The following TSR1 variants were observed in gnomAD, a reference collection of about 807,000 sequenced individuals.
TSR1 encodes TSR1 ribosome maturation factor.
A neutral mutation model predicts 90.9 loss-of-function variants in TSR1; 81 were observed. The observed-to-expected ratio is 0.89, with a 90% CI of 0.74 to 1.07. TSR1 has a LOEUF of 1.07. TSR1 is among the 50% of genes least tolerant of loss of function. TSR1 has a pLI of 0.00. For missense variants in TSR1, 989 were observed against 987.3 expected (o/e 1.00, Z -0.02); for synonymous variants, 362 against 348.8 (o/e 1.04, Z -0.42).
Position 2,324,393 on chromosome 17 carries a change from A to G in TSR1, c.2237-19T>C. 6.3e-7 allele frequency: 1 copy of G among 1,591,428 alleles called. No homozygotes were observed. Among genetic ancestry groups the G allele is most frequent in the Non-Finnish European group, 8.5e-7 (1 of 1,170,080 alleles). On this transcript the variant is annotated intron_variant, in intron 14 of 14. Transcript: ENST00000301364. ...TGGGTACCTAGAAAGACATCAGAAC[A>G]AGTCGGTCAAATTAAAAGTAGAAAA... is the stretch of plus-strand genomic sequence containing the variant.
intron 11 of TSR1, among the ~76,000 whole-genome samples, chr17:2,328,608 A>G (rs1238473388): frequency 6.7e-6 from 1 of 148,574 alleles, no homozygotes; most frequent in East Asian, 2.0e-4. Flanking sequence ...AAACAAACAA[A>G]CAAACAAAAA....
chr17:2,332,471 T>C (rs1452333784), intron 7 of TSR1, 112 bp from the exon 8 acceptor site: 11 of 894,474 alleles, frequency 1.2e-5, no homozygotes, highest in Non-Finnish European at 1.8e-5. Flanking sequence ...CCAACCAACA[T>C]AAATTCTAAT....
Position 2,336,418 on chromosome 17 carries a change from G to C in TSR1, c.10C>G (p.His4Asp), listed in dbSNP as rs748873521. The change falls in exon 1 of 15, where the codon CAC becomes GAC. Residue 4 changes from histidine to aspartate, a missense_variant. Transcript: ENST00000301364. Reference sequence around the variant, plus strand: ...TGCTGCTTGAGCGGGCCGGGGCGGTGGGCCGCCATGCCGCAGCGCGCGTGT... The same window carrying C: ...TGCTGCTTGAGCGGGCCGGGGCGGTCGGCCGCCATGCCGCAGCGCGCGTGT... MAA[H>D]RPGPLKQQNK... 9.9e-6 allele frequency: 16 copies of C among 1,610,754 alleles called. No homozygotes were observed. The highest frequency in any genetic ancestry group is 1.7e-6 in the Non-Finnish European group (2 of 1,179,918).
rs911884087 is a variant in TSR1 at position 2,330,603 on chromosome 17, T to C, written c.1682A>G (p.His561Arg). Reference protein sequence around the residue: ...GAEVGWYVTLHVSEVPVSVVE... With the variant: ...GAEVGWYVTLRVSEVPVSVVE... Reference sequence around the variant, plus strand: ...CACTGAGACGGGGACTTCAGAGACATGAAGTGTGACATACCAGCCAACCTG... The same window carrying C: ...CACTGAGACGGGGACTTCAGAGACACGAAGTGTGACATACCAGCCAACCTG... The change falls in exon 10 of 15, where the codon CAT becomes CGT. Residue 561 changes from histidine (H) to arginine (R), a missense_variant. His to Arg is a conservative substitution (Grantham distance 29, BLOSUM62 0). Transcript: ENST00000301364. 6 of 1,613,172 alleles carry C rather than the reference T, an allele frequency of 3.7e-6. No individual in the cohort carries two copies. The highest frequency in any genetic ancestry group is 1.3e-5 in the African/African-American group (1 of 74,672).
intron 9 of TSR1, 28 bp downstream of exon 9, chr17:2,330,919 A>C (rs550351042): frequency 6.4e-7 from 1 of 1,553,728 alleles, no homozygotes; most frequent in South Asian, 1.3e-5. Context: ...TGAAAGCAAC[A>C]TACAAGATGA....
chr17:2,332,160 T>C lies in TSR1; in HGVS notation c.1496+9A>G. On this transcript the variant is annotated intron_variant, in intron 8 of 14. Transcript: ENST00000301364. ...GAATTTAGATTTGTTGATAGACTTG[T>C]TGACTAACCGAATTCGAGCAGCCAC... The C allele has an allele frequency of 1.2e-6, 2 of 1,611,074 alleles. No homozygotes were observed. Among genetic ancestry groups the C allele is most frequent in the Non-Finnish European group, 8.5e-7 (1 of 1,179,348 alleles).
At chr17:2,329,508 A>G in intron 10 of TSR1, 33 bp from the exon 11 acceptor site, 1 of 1,612,120 alleles carries the variant, frequency 6.2e-7, no homozygotes, top group Non-Finnish European at 8.5e-7. Flanking sequence ...AAAAATCTTC[A>G]TAGTCTAGGA....
Position 2,323,809 on chromosome 17 carries a change from C to T in TSR1, c.*387G>A. ...CTCAGTGGTGGAAATGTAGACTTAA[C>T]CTCCTCCATAACTTGGGTGAAGCAG... On this transcript the variant is annotated 3_prime_UTR_variant, in exon 15 of 15. Coordinates refer to ENST00000301364, the MANE Select transcript of TSR1 (RefSeq NM_018128.5). 1 of 1,614,164 alleles carries T rather than the reference C, an allele frequency of 6.2e-7. No individual in the cohort carries two copies. The highest frequency in any genetic ancestry group is 1.1e-5 in the South Asian group (1 of 91,082).
intron 10 of TSR1, 58 bp downstream of exon 10, chr17:2,330,457 G>T: frequency 6.6e-7 from 1 of 1,508,122 alleles, no homozygotes; most frequent in Non-Finnish European, 9.2e-7. Flanking sequence ...ATTTTAGACT[G>T]TCAGAAGCAG....
chr17:2,332,148 T>G (rs770985339), intron 8 of TSR1, 21 bp downstream of exon 8: 18 of 1,603,806 alleles, frequency 1.1e-5, no homozygotes, highest in Non-Finnish European at 1.4e-5. Flanking sequence ...TTTAGATTTG[T>G]TGATAGACTT....
Position 2,334,174 on chromosome 17 carries a change from A to G in TSR1, c.981+298T>C, listed in dbSNP as rs79277192. ...TCCACTGCTGGTCCGCACTCTAACC[A>G]TATGCTATCTCAATCTTTATTTCAC... On this transcript the variant is annotated intron_variant, in intron 5 of 14. Transcript: ENST00000301364. Among the ~76,000 whole-genome samples the G allele has an allele frequency of 4.4e-3, 671 of 152,268 alleles. 2 individuals are homozygous for G. Among genetic ancestry groups the G allele is most frequent in the African/African-American group, 0.015 (631 of 41,566 alleles).
At chr17:2,329,271 T>C in intron 11 of TSR1, 72 bp downstream of exon 11, 1 of 1,604,220 alleles carries the variant, frequency 6.2e-7, no homozygotes, top group Non-Finnish European at 8.5e-7. Context: ...CCATATATTT[T>C]GGCACCCCTC....
intron 11 of TSR1, among the ~76,000 whole-genome samples, chr17:2,326,376 C>T (rs2075576157): frequency 6.6e-6 from 1 of 152,102 alleles, no homozygotes; most frequent in South Asian, 2.1e-4. Flanking sequence ...TATCTTCCTG[C>T]TCCTACTGTG....
intron 6 of TSR1, 106 bp downstream of exon 6, chr17:2,333,451 C>A: frequency 7.2e-7 from 1 of 1,382,376 alleles, no homozygotes. Context: ...AGACTTTCAA[C>A]TATACCCCCA....
chr17:2,331,473 T>C (rs2064002604), intron 8 of TSR1, among the ~76,000 whole-genome samples: 1 of 152,004 alleles, frequency 6.6e-6, no homozygotes, highest in African/African-American at 2.4e-5. Context: ...CCACCCTCCT[T>C]GTTGAGTGAG....
chr17:2,326,547 A>G (rs1481351149), intron 11 of TSR1, among the ~76,000 whole-genome samples: 1 of 151,832 alleles, frequency 6.6e-6, no homozygotes, highest in African/African-American at 2.4e-5. Flanking sequence ...ACTTTATCAC[A>G]CCCTTTTAAA....
chr17:2,335,186 T>C, intron 4 of TSR1, 74 bp downstream of exon 4: 2 of 1,473,580 alleles, frequency 1.4e-6, no homozygotes, highest in Admixed American at 3.9e-5. Context: ...GATCCATCAG[T>C]TGTATTCCTG....
Position 2,324,710 on chromosome 17 carries a change from G to T in TSR1, c.2140C>A (p.Arg714Ser), listed in dbSNP as rs772639833. The stretch of plus-strand genomic sequence containing the variant: ...CCACCTCTGTTGAAGAACATGTAAC[G>T]TACTACTGCCATCTTAGTAAAAATT... The part of the protein sequence containing the change: ...FKIFTKMAVV[R>S]YMFFNREDVL... The change falls in exon 13 of 15, where the codon CGT becomes AGT. Residue 714 changes from arginine (R) to serine (S), a missense_variant. Physicochemically the swap from Arg to Ser is moderately radical, Grantham distance 110 (BLOSUM62 -1). Coordinates refer to ENST00000301364, the MANE Select transcript of TSR1 (RefSeq NM_018128.5). 6.2e-7 allele frequency: 1 copy of T among 1,613,942 alleles called. No homozygotes were observed. The highest frequency in any genetic ancestry group is 8.5e-7 in the Non-Finnish European group (1 of 1,180,030).
intron 2 of TSR1, 80 bp downstream of exon 2, chr17:2,335,957 C>T: frequency 2.1e-6 from 3 of 1,453,846 alleles, no homozygotes; most frequent in South Asian, 1.2e-5. Flanking sequence ...ACCCTCCTCC[C>T]GGTCTCATTT....
Sources: allele counts gnomAD v4.1 joint callset (sites outside exome capture counted in the v4.1 genomes callset), GRCh38; gene constraint gnomAD v4.1.1; transcripts MANE v1.5; gene names NCBI Gene and HGNC (gene_info 2026-07-23, HGNC 2026-07-21).